CELF4: variants seen among roughly 807,000 people sequenced by gnomAD.
CELF4 encodes the protein CUGBP Elav-like family member 4.
CELF4 carries 18 observed loss-of-function variants against 59.9 expected under a neutral mutation model. The observed-to-expected ratio is 0.30, with a 90% CI of 0.21 to 0.45. The LOEUF is 0.45. Ranked by LOEUF, CELF4 falls within the 20% of genes least tolerant of loss-of-function variation. The pLI is 1.00. For synonymous variants in CELF4, 261 were observed against 267.1 expected (o/e 0.98, Z 0.22); for missense variants, 456 against 689.0 (o/e 0.66, Z 3.79).
chr18:37,249,056 A>T (rs1311571584), intron 12 of CELF4, among the ~76,000 whole-genome samples: 2 of 152,166 alleles, frequency 1.3e-5, no homozygotes, highest in African/African-American at 4.8e-5. Context: ...CAACCTTCAC[A>T]GAAGCACCCT....
chr18:37,453,401 G>T (rs2099769474), intron 2 of CELF4, among the ~76,000 whole-genome samples: 1 of 152,160 alleles, frequency 6.6e-6, no homozygotes, highest in Non-Finnish European at 1.5e-5. Context: ...AACTCTCAGG[G>T]TCACATTTCT....
At chr18:37,410,661 G>A (rs956052747) in intron 2 of CELF4, among the ~76,000 whole-genome samples, 2 of 152,252 alleles carry the variant, frequency 1.3e-5, no homozygotes, top group South Asian at 2.1e-4. Context: ...ATGTGAAGGT[G>A]AGAGTGTGCC....
Position 37,274,811 on chromosome 18 carries a change from G to C in CELF4, c.651C>G (p.Thr217=). ...CCAAGGGGCCAGCACTCACCGGCATGGTCTGGCTGCCGTGTAGCGCGTTGA... is the reference window on the plus strand; with the variant it reads ...CCAAGGGGCCAGCACTCACCGGCATCGTCTGGCTGCCGTGTAGCGCGTTGA... ...AAINALHGSQ[T]MPGASSSLVV... is the part of the protein sequence containing the mutation. Residue 217 remains threonine, a synonymous_variant, in exon 5 of 13, where the codon ACC becomes ACG. Coordinates refer to ENST00000420428, the MANE Select transcript of CELF4 (RefSeq NM_020180.4). 1.2e-6 allele frequency: 2 copies of C among 1,600,182 alleles called. No homozygotes were observed. Among genetic ancestry groups the C allele is most frequent in the Non-Finnish European group, 1.7e-6 (2 of 1,174,930 alleles).
chr18:37,279,188 A>C (rs1277162311), intron 3 of CELF4, among the ~76,000 whole-genome samples: 4 of 152,144 alleles, frequency 2.6e-5, no homozygotes, highest in African/African-American at 9.7e-5. Flanking sequence ...TGCTTCCCAT[A>C]GTCGGGGTAT....
In CELF4 at chr18:37,266,592, C is replaced by T. The variant is rs1374454495; in HGVS notation, c.1106G>A (p.Ser369Asn). 2 of 1,589,156 alleles carry T rather than the reference C, an allele frequency of 1.3e-6. No homozygotes were observed. Among genetic ancestry groups the T allele is most frequent in the Admixed American group, 3.6e-5 (2 of 55,336 alleles). Reference protein sequence around the residue: ...ANGIHPYPAQSPTAADPLQQA... With the variant: ...ANGIHPYPAQNPTAADPLQQA... ...CTGCAGGGGGTCCGCGGCGGTGGGGCTCTGTGCTGTAGGGAGCCAAGGGGA... is the reference window on the plus strand; with the variant it reads ...CTGCAGGGGGTCCGCGGCGGTGGGGTTCTGTGCTGTAGGGAGCCAAGGGGA... The change falls in exon 9 of 13, where the codon AGC (serine) becomes AAC (asparagine). Residue 369 changes from serine (S) to asparagine (N), a missense_variant. This residue lies in a region of CELF4 where 256 missense variants were observed against 340.8 expected (regional missense o/e 0.75). Coordinates refer to ENST00000420428, the MANE Select transcript of CELF4 (RefSeq NM_020180.4).
chr18:37,354,803 G>T (rs184284538), intron 2 of CELF4, among the ~76,000 whole-genome samples: 2 of 152,312 alleles, frequency 1.3e-5, no homozygotes, highest in East Asian at 3.9e-4. Context: ...AGCCATTGAT[G>T]AACCTGTTTG....
chr18:37,266,734 G>A (rs915685263), intron 8 of CELF4, 136 bp from the exon 9 acceptor site: 75 of 766,364 alleles, frequency 9.8e-5, no homozygotes, highest in Non-Finnish European at 1.5e-4. Context: ...GGGCATCCGA[G>A]ACAGAAACCC....
chr18:37,363,638 G>A (rs1221154425), intron 2 of CELF4, among the ~76,000 whole-genome samples: 2 of 152,206 alleles, frequency 1.3e-5, no homozygotes, highest in Non-Finnish European at 2.9e-5. Context: ...TGGTGTCATA[G>A]GGTATGGGTT....
chr18:37,447,442 G>T (rs2099751183), intron 2 of CELF4, among the ~76,000 whole-genome samples: 1 of 152,246 alleles, frequency 6.6e-6, no homozygotes, highest in Non-Finnish European at 1.5e-5. Context: ...CAGAGTCGGG[G>T]CCTCACTTGC....
chr18:37,451,291 G>C (rs201579901), intron 2 of CELF4, among the ~76,000 whole-genome samples: 2 of 152,290 alleles, frequency 1.3e-5, no homozygotes, highest in East Asian at 3.9e-4. Flanking sequence ...GGTGTGGGCT[G>C]TGTGTGTCTG....
At chr18:37,412,548 G>A (rs1396092434) in intron 2 of CELF4, among the ~76,000 whole-genome samples, 1 of 152,092 alleles carries the variant, frequency 6.6e-6, no homozygotes, top group East Asian at 1.9e-4. Context: ...ATGGGTGGGT[G>A]CATGGGTGCA....
At chr18:37,324,509 T>G (rs1304768073) in intron 2 of CELF4, among the ~76,000 whole-genome samples, 1 of 152,204 alleles carries the variant, frequency 6.6e-6, no homozygotes, top group Non-Finnish European at 1.5e-5. Context: ...GCTTCCAGCC[T>G]CCGGAGCTGT....
At chr18:37,325,647 C>T (rs1245223576) in intron 2 of CELF4, among the ~76,000 whole-genome samples, 1 of 152,234 alleles carries the variant, frequency 6.6e-6, no homozygotes, top group African/African-American at 2.4e-5. Flanking sequence ...ACACAGGCCC[C>T]TCTGCTTCCC....
intron 1 of CELF4, among the ~76,000 whole-genome samples, chr18:37,495,432 T>G (rs373357345): frequency 1.3e-5 from 2 of 152,162 alleles, no homozygotes; most frequent in African/African-American, 4.8e-5. Flanking sequence ...TGGCCTGTTT[T>G]TTCAGAACTT....
At chr18:37,275,015 A>T in intron 4 of CELF4, 100 bp downstream of exon 4, 1 of 1,546,944 alleles carries the variant, frequency 6.5e-7, no homozygotes. Context: ...AGAAGCCCAG[A>T]GACAGACGGC....
intron 1 of CELF4, among the ~76,000 whole-genome samples, chr18:37,495,904 A>G (rs1013969814): frequency 6.6e-6 from 1 of 152,162 alleles, no homozygotes; most frequent in Admixed American, 6.5e-5. Context: ...CTTATCTCCC[A>G]TGAAAGGAGA....
chr18:37,487,146 C>G (rs758892800), intron 1 of CELF4, among the ~76,000 whole-genome samples: 3 of 152,196 alleles, frequency 2.0e-5, no homozygotes, highest in East Asian at 1.9e-4. Context: ...CTCTGGTTGC[C>G]GGCCACAGAA....
chr18:37,325,522 G>A (rs1329970643), intron 2 of CELF4, among the ~76,000 whole-genome samples: 4 of 152,182 alleles, frequency 2.6e-5, no homozygotes, highest in African/African-American at 7.2e-5. Flanking sequence ...TTGGCATCTG[G>A]GCACCTGTGA....
intron 3 of CELF4, among the ~76,000 whole-genome samples, chr18:37,282,727 C>A (rs751942138): frequency 5.9e-5 from 9 of 152,182 alleles, no homozygotes; most frequent in African/African-American, 1.4e-4. Context: ...GCACCACTGT[C>A]CACACTGGAG....
Sources: allele counts gnomAD v4.1 joint callset (sites outside exome capture counted in the v4.1 genomes callset), GRCh38; gene constraint gnomAD v4.1.1; regional missense constraint gnomAD v4.1.1; transcripts MANE v1.5; gene names NCBI Gene and HGNC (gene_info 2026-07-23, HGNC 2026-07-21).